Variants in CDC42BPB observed in about 807,000 individuals in gnomAD.
The protein encoded by CDC42BPB is serine/threonine-protein kinase MRCK beta.
In CDC42BPB, 37 loss-of-function variants were observed where a neutral mutation model predicts 214.9. That is an observed-to-expected ratio of 0.17 (90% CI 0.13 to 0.23). The LOEUF is 0.23. Among genes scored for constraint, CDC42BPB ranks in the 10% least tolerant of loss-of-function variants. CDC42BPB has a pLI of 1.00. For synonymous variants in CDC42BPB, 931 were observed against 884.0 expected (o/e 1.05, Z -0.94); for missense variants, 1,694 against 2,227.0 (o/e 0.76, Z 4.82).
intron 10 of CDC42BPB, 37 bp from the exon 11 acceptor site, chr14:102,975,840 C>A: frequency 6.2e-7 from 1 of 1,613,840 alleles, no homozygotes; most frequent in East Asian, 2.2e-5. Flanking sequence ...TGCAGCCTGG[C>A]CGCAGCGCCC....
chr14:102,969,287 G>T (rs1893364856), intron 14 of CDC42BPB, among the ~76,000 whole-genome samples: 1 of 152,220 alleles, frequency 6.6e-6, no homozygotes, highest in Non-Finnish European at 1.5e-5. Flanking sequence ...TGTCTGGTGT[G>T]GCGGGGCAAG....
At chr14:103,013,543 A>T (rs1010555312) in intron 1 of CDC42BPB, among the ~76,000 whole-genome samples, 3 of 152,196 alleles carry the variant, frequency 2.0e-5, no homozygotes, top group African/African-American at 7.2e-5. Flanking sequence ...GTCCTTACAG[A>T]CGTAACCAAG....
At chr14:103,041,762 C>T in intron 1 of CDC42BPB, 1 of 507,524 alleles carries the variant, frequency 2.0e-6, no homozygotes, top group South Asian at 2.2e-5. Flanking sequence ...TCTGTGGATC[C>T]AAGGAGGCAG....
intron 32 of CDC42BPB, 42 bp from the exon 33 acceptor site, chr14:102,939,989 G>T: frequency 6.2e-7 from 1 of 1,613,714 alleles, no homozygotes; most frequent in Non-Finnish European, 8.5e-7. Flanking sequence ...GCGGCACCAG[G>T]GACACACGCC....
At chr14:102,982,180 T>C (rs1894033994) in intron 7 of CDC42BPB, among the ~76,000 whole-genome samples, 1 of 152,254 alleles carries the variant, frequency 6.6e-6, no homozygotes, top group Admixed American at 6.5e-5. Context: ...CATTTTTGCA[T>C]TGTCTGAAGT....
intron 1 of CDC42BPB, among the ~76,000 whole-genome samples, chr14:103,043,070 A>T (rs1413926374): frequency 6.6e-6 from 1 of 152,208 alleles, no homozygotes; most frequent in Non-Finnish European, 1.5e-5. Context: ...CAGCCTGGCC[A>T]ACTAGGCGGC....
intron 1 of CDC42BPB, chr14:103,012,471 T>C (rs1255206901): frequency 6.4e-6 from 1 of 155,652 alleles, no homozygotes; most frequent in Non-Finnish European, 1.4e-5. Context: ...CCCACAAGAT[T>C]TATACTACTG....
Position 103,053,047 on chromosome 14 carries a change from C to T in CDC42BPB, c.175+3952G>A, listed in dbSNP as rs141751889. Among the ~76,000 whole-genome samples, 6 of 152,182 alleles carry T rather than the reference C, an allele frequency of 3.9e-5. No homozygotes were observed. The East Asian group carries it at 9.7e-4, about 25-fold the overall frequency. ...TGGTATCAAGATATTTTCAAAATAG[C>T]TTAAAGAAATATACATGCAAGGCCA... On this transcript the variant is annotated intron_variant, in intron 1 of 36. Transcript: ENST00000361246.
chr14:103,054,667 A>G (rs1320991462), intron 1 of CDC42BPB, among the ~76,000 whole-genome samples: 5 of 152,246 alleles, frequency 3.3e-5, no homozygotes, highest in Non-Finnish European at 7.3e-5. Flanking sequence ...AAATATATTG[A>G]TATTTCATTA....
intron 1 of CDC42BPB, among the ~76,000 whole-genome samples, chr14:103,048,165 T>A (rs1043511482): frequency 6.6e-6 from 1 of 151,924 alleles, no homozygotes; most frequent in Admixed American, 6.6e-5. Context: ...GGGATGAAGG[T>A]GATAAGATTA....
At chr14:102,952,712 T>G (rs569280196) in intron 23 of CDC42BPB, 109 bp from the exon 24 acceptor site, 1 of 1,491,478 alleles carries the variant, frequency 6.7e-7, no homozygotes, top group African/African-American at 1.4e-5. Flanking sequence ...CCTGAAAAGG[T>G]GGAAATGTGC....
intron 14 of CDC42BPB, among the ~76,000 whole-genome samples, chr14:102,969,239 CG>C (rs1425969838): frequency 6.6e-6 from 1 of 152,178 alleles, no homozygotes; most frequent in Non-Finnish European, 1.5e-5. Context: ...TGAGGTGGGA[CG>C]TGTTGGCAGT....
At chr14:102,934,515 CAG>C (rs1891549852) in intron 36 of CDC42BPB, among the ~76,000 whole-genome samples, 1 of 151,904 alleles carries the variant, frequency 6.6e-6, no homozygotes, top group South Asian at 2.1e-4. Context: ...GCCTGGGCGA[CAG>C]AGCGAGACTC....
At position 102,943,929 on chromosome 14, in the gene CDC42BPB, G is replaced by A. The variant is rs1221432217; in HGVS notation, c.4370C>T (p.Ala1457Val). The change falls in exon 30 of 37, where the codon GCG (alanine) becomes GTG (valine). Residue 1457 changes from alanine (A) to valine (V), a missense_variant. Physicochemically the swap from Ala to Val is moderately conservative, Grantham distance 64. Transcript: ENST00000361246. This position sits in a 1 kb window ranked among gnomAD's most constrained non-coding sequence, Gnocchi z 4.6. ...AGCCGCAGGCCACATGAGCTCCTGCGCGCGTGCCCTCCGGCCTTGCGGGTC... is the reference window on the plus strand; with the variant it reads ...AGCCGCAGGCCACATGAGCTCCTGCACGCGTGCCCTCCGGCCTTGCGGGTC... ...YVDPQGRRAR[A>V]QELMWPAAPV... 5 of 1,612,248 alleles carry A rather than the reference G, an allele frequency of 3.1e-6. No individual in the cohort carries two copies. Among genetic ancestry groups the A allele is most frequent in the African/African-American group, 1.3e-5 (1 of 74,930 alleles).
Position 103,004,654 on chromosome 14 carries a change from G to C in CDC42BPB, c.352-631C>G, listed in dbSNP as rs982095350. 2.0e-5 allele frequency among the ~76,000 whole-genome samples: 3 copies of C among 152,170 alleles called. No homozygotes were observed. Among genetic ancestry groups the C allele is most frequent in the African/African-American group, 7.2e-5 (3 of 41,426 alleles). On this transcript the variant is annotated intron_variant, in intron 3 of 36. Transcript: ENST00000361246. This position sits in a 1 kb window ranked among gnomAD's most constrained non-coding sequence, Gnocchi z 5.3. ...GCCGAGCACGGTGGCTCACACCTGA[G>C]GTCAGGAGTTCAAGACCAGCCTGGC...
In CDC42BPB at chr14:102,944,532, C is replaced by G; in HGVS notation, c.3812-45G>C. On this transcript the variant is annotated intron_variant, in intron 29 of 36. Coordinates refer to ENST00000361246, the MANE Select transcript of CDC42BPB (RefSeq NM_006035.4). This position sits in a 1 kb window ranked among gnomAD's most constrained non-coding sequence, Gnocchi z 6.6. ...AGCGTGAGGCCGACGGGACAGCCAG[C>G]AGCTCCCAGGGGCTGACGGCCTTGG... 1 of 1,579,086 alleles carries G rather than the reference C, an allele frequency of 6.3e-7. No homozygotes were observed. The highest frequency in any genetic ancestry group is 8.6e-7 in the Non-Finnish European group (1 of 1,161,008).
At position 102,943,663 on chromosome 14, in the gene CDC42BPB, G is replaced by T; in HGVS notation, c.4408+228C>A. 1.8e-6 allele frequency: 1 copy of T among 541,740 alleles called. No individual in the cohort carries two copies. The highest frequency in any genetic ancestry group is 2.9e-5 in the South Asian group (1 of 34,228). The allele number at this position is 541,740 out of a possible 1,614,324, so 33.6% of individuals were successfully genotyped here. On this transcript the variant is annotated intron_variant, in intron 30 of 36. Coordinates refer to ENST00000361246, the MANE Select transcript of CDC42BPB (RefSeq NM_006035.4). The surrounding 1 kb of genome is among the most constrained non-coding windows in gnomAD (Gnocchi z 4.6). ...TCTGCTGAGGCCTCTGGAAGAACCG[G>T]CCCCATGTGCTCAGGGAGAGAGGTT...
chr14:102,945,013 G>A (rs913737331), intron 29 of CDC42BPB, among the ~76,000 whole-genome samples: 1 of 152,154 alleles, frequency 6.6e-6, no homozygotes, highest in Admixed American at 6.5e-5. Context: ...TGAAGACGCC[G>A]CCCTCACACG....
chr14:103,041,391 T>G, intron 1 of CDC42BPB: 1 of 551,490 alleles, frequency 1.8e-6, no homozygotes, highest in Non-Finnish European at 3.2e-6. Flanking sequence ...TGCCAATGGA[T>G]TGTTAGATAT....
Sources: allele counts gnomAD v4.1 joint callset (sites outside exome capture counted in the v4.1 genomes callset), GRCh38; gene constraint gnomAD v4.1.1; non-coding constraint Gnocchi (gnomAD v3.1); transcripts MANE v1.5; gene names NCBI Gene and HGNC (gene_info 2026-07-23, HGNC 2026-07-21).